The following TEAD1 variants were observed in gnomAD, a reference collection of about 807,000 sequenced individuals.
The protein encoded by TEAD1 is transcriptional enhancer factor TEF-1.
TEAD1 carries 9 observed loss-of-function variants against 54.9 expected under a neutral mutation model. The observed-to-expected ratio is 0.16, with a 90% CI of 0.10 to 0.29. The LOEUF (loss-of-function observed/expected upper bound fraction) is 0.29, where lower values mean the gene tolerates loss of function less well. Ranked by LOEUF, TEAD1 falls within the 10% of genes least tolerant of loss-of-function variation. The pLI is 1.00. For synonymous variants in TEAD1, 200 were observed against 187.8 expected, an observed-to-expected ratio of 1.07 and a Z score of -0.53; for missense variants, 387 against 535.9, an observed-to-expected ratio of 0.72 and a Z score of 2.74.
chr11:12,900,350 C>T (rs1316665696), intron 9 of TEAD1, among the ~76,000 whole-genome samples: 1 of 152,192 alleles, frequency 6.6e-6, no homozygotes, highest in Non-Finnish European at 1.5e-5. Flanking sequence ...CATGAGCCAC[C>T]ATGGCCAGTC....
chr11:12,888,934 T>C (rs1948143557), intron 9 of TEAD1, among the ~76,000 whole-genome samples: 1 of 152,100 alleles, frequency 6.6e-6, no homozygotes, highest in Admixed American at 6.6e-5. Context: ...GGGAGAATAA[T>C]TAGGGGGATG....
intron 2 of TEAD1, among the ~76,000 whole-genome samples, chr11:12,707,759 G>A (rs1943851230): frequency 1.3e-5 from 2 of 152,220 alleles, no homozygotes; most frequent in South Asian, 4.1e-4. Flanking sequence ...GTCTGGCACA[G>A]TAGGACACTG....
At chr11:12,734,250 GAA>G (rs932177874) in intron 2 of TEAD1, among the ~76,000 whole-genome samples, 9 of 151,562 alleles carry the variant, frequency 5.9e-5, no homozygotes, top group African/African-American at 2.2e-4. Context: ...AATAAGAAAA[GAA>G]AAAAAATTTT....
chr11:12,796,101 G>A (rs574420105), intron 3 of TEAD1, among the ~76,000 whole-genome samples: 1 of 152,222 alleles, frequency 6.6e-6, no homozygotes, highest in East Asian at 1.9e-4. Flanking sequence ...CAGGAGGGGG[G>A]CTAGTGTACG....
intron 2 of TEAD1, among the ~76,000 whole-genome samples, chr11:12,692,849 C>T (rs970906952): frequency 4.6e-5 from 7 of 152,224 alleles, no homozygotes; most frequent in Non-Finnish European, 8.8e-5. Context: ...GCCTGCCAGC[C>T]GGCCCCTGCA....
rs373123322 is a variant in TEAD1 at position 12,888,194 on chromosome 11, G to A, written c.699+5069G>A. 2.6e-5 allele frequency among the ~76,000 whole-genome samples: 4 copies of A among 152,308 alleles called. No individual in the cohort carries two copies. In the East Asian group the frequency reaches 7.7e-4, roughly 29 times the overall value. Reference sequence around the variant, plus strand: ...AGCTTTGCACCCCAGCCTGCCTGTAGCATCTCTTAAGACAAGATAAGACAT... The same window carrying A: ...AGCTTTGCACCCCAGCCTGCCTGTAACATCTCTTAAGACAAGATAAGACAT... On this transcript the variant is annotated intron_variant, in intron 9 of 12. Transcript: ENST00000527636.
intron 3 of TEAD1, among the ~76,000 whole-genome samples, chr11:12,783,990 A>G (rs1327037269): frequency 6.6e-6 from 1 of 152,070 alleles, no homozygotes; most frequent in Non-Finnish European, 1.5e-5. Context: ...TTTGAGGAGA[A>G]TTATTCTGGA....
At position 12,872,315 on chromosome 11, in the gene TEAD1, G is replaced by A. The variant is rs1225560428; in HGVS notation, c.331-7393G>A. Among the ~76,000 whole-genome samples the A allele has an allele frequency of 2.0e-5, 3 of 152,172 alleles. No homozygotes were observed. In the East Asian group the frequency reaches 5.8e-4, roughly 29 times the overall value. ...GACTTGGCTGTTAGCAGTGCAGGAG[G>A]CAAGGAAAGCCTGAGCAACAACCTC... On this transcript the variant is annotated intron_variant, in intron 5 of 12. Transcript: ENST00000527636.
chr11:12,794,379 G>C (rs564842479), intron 3 of TEAD1, among the ~76,000 whole-genome samples: 2 of 152,162 alleles, frequency 1.3e-5, no homozygotes, highest in South Asian at 2.1e-4. Context: ...TTAAGAGCAG[G>C]TACATTCTGA....
Position 12,844,959 on chromosome 11 carries a change from CTTTTTTTTT to C in TEAD1, c.203-17275_203-17267del, listed in dbSNP as rs3046338. ...CTGCCCTGATTGACGTGTATGAAATCTTTTTTTTTTTTTTTTTTTTTTTTGGAGACAGGG... is the reference window on the plus strand; with the variant it reads ...CTGCCCTGATTGACGTGTATGAAATCTTTTTTTTTTTTTTTGGAGACAGGG... On this transcript the variant is annotated intron_variant, in intron 3 of 12. Coordinates refer to ENST00000527636, the MANE Select transcript of TEAD1 (RefSeq NM_021961.6). Among the ~76,000 whole-genome samples, 109 of 64,662 alleles carry C rather than the reference CTTTTTTTTT, an allele frequency of 1.7e-3. 1 individual carries two copies. Among genetic ancestry groups the C allele is most frequent in the Non-Finnish European group, 7.9e-4 (30 of 38,072 alleles). The allele number at this position is 64,662 out of a possible 152,430, so 42.4% of individuals were successfully genotyped here.
chr11:12,716,927 G>A (rs1237974284), intron 2 of TEAD1, among the ~76,000 whole-genome samples: 1 of 152,188 alleles, frequency 6.6e-6, no homozygotes, highest in Non-Finnish European at 1.5e-5. Context: ...ATGGCTTCCC[G>A]CCCTGAGGTC....
intron 2 of TEAD1, among the ~76,000 whole-genome samples, chr11:12,738,539 C>T (rs751458743): frequency 6.6e-6 from 1 of 152,184 alleles, no homozygotes; most frequent in Non-Finnish European, 1.5e-5. Context: ...TACCAGAAGG[C>T]AGGCACAGAA....
intron 12 of TEAD1, among the ~76,000 whole-genome samples, chr11:12,934,213 A>G (rs867162864): frequency 2.0e-5 from 3 of 152,228 alleles, no homozygotes; most frequent in African/African-American, 7.2e-5. Context: ...AGCCATAAAA[A>G]ATGATGAGTT....
chr11:12,749,310 T>C (rs1304496698), intron 2 of TEAD1, among the ~76,000 whole-genome samples: 1 of 152,158 alleles, frequency 6.6e-6, no homozygotes, highest in African/African-American at 2.4e-5. Flanking sequence ...ACATTTTAAT[T>C]AATCTAAGGG....
intron 3 of TEAD1, among the ~76,000 whole-genome samples, chr11:12,837,169 A>G (rs1946909739): frequency 6.6e-6 from 1 of 152,246 alleles, no homozygotes; most frequent in African/African-American, 2.4e-5. Flanking sequence ...AAATCTGTTG[A>G]GAGTAAAAGG....
At chr11:12,852,660 C>T (rs1229228857) in intron 3 of TEAD1, among the ~76,000 whole-genome samples, 4 of 152,044 alleles carry the variant, frequency 2.6e-5, no homozygotes, top group African/African-American at 9.7e-5. Context: ...GTTGGCCAGG[C>T]TGGTCTCAAA....
At chr11:12,780,745 T>G (rs1176457641) in intron 3 of TEAD1, among the ~76,000 whole-genome samples, 2 of 152,256 alleles carry the variant, frequency 1.3e-5, no homozygotes, top group African/African-American at 4.8e-5. Flanking sequence ...GTTCATGGGT[T>G]GGAAGACTTA....
At chr11:12,688,100 T>G (rs541128844) in intron 2 of TEAD1, among the ~76,000 whole-genome samples, 80 of 152,344 alleles carry the variant, frequency 5.3e-4, no homozygotes, top group African/African-American at 1.9e-3. Flanking sequence ...TTTAGGCAGA[T>G]GACCTTGACT....
chr11:12,881,185 C>G lies in TEAD1; in HGVS notation c.512+134C>G, dbSNP rs1018384190. The G allele has an allele frequency of 4.0e-6, 4 of 1,004,260 alleles. No individual in the cohort carries two copies. The African/African-American group carries it at 4.8e-5, about 12-fold the overall frequency. The allele number at this position is 1,004,260 out of a possible 1,614,324, so 62.2% of individuals were successfully genotyped here. ...TTACACTGAGGTCCCAGAAGGCATC[C>G]CCTTTTTATTGTGTACTTAGGCCCC... On this transcript the variant is annotated intron_variant, in intron 7 of 12. Coordinates refer to ENST00000527636, the MANE Select transcript of TEAD1 (RefSeq NM_021961.6).
Sources: gnomAD v4.1 joint callset for allele counts (sites outside exome capture counted in the v4.1 genomes callset) on GRCh38, gnomAD v4.1.1 for gene constraint, MANE v1.5 for transcripts, NCBI Gene and HGNC (gene_info 2026-07-23, HGNC 2026-07-21) for gene names.